The following ZNF385D variants were observed in gnomAD, a reference collection of about 807,000 sequenced individuals.
ZNF385D encodes zinc finger protein 659.
ZNF385D carries 15 observed loss-of-function variants against 35.8 expected under a neutral mutation model. That is an observed-to-expected ratio of 0.42 (90% CI 0.28 to 0.64). The LOEUF (loss-of-function observed/expected upper bound fraction) is 0.64. ZNF385D is among the 30% of genes least tolerant of loss of function. The probability of loss-of-function intolerance (pLI) is 0.23; values close to 1 mark genes in which losing one functional copy is unlikely to be tolerated. For missense variants in ZNF385D, 474 were observed against 494.6 expected (o/e 0.96, Z 0.39); for synonymous variants, 212 against 186.8 (o/e 1.13, Z -1.10).
chr3:22,102,551 A>G (rs1465988156), intron 3 of ZNF385D, among the ~76,000 whole-genome samples: 2 of 152,014 alleles, frequency 1.3e-5, no homozygotes, highest in African/African-American at 4.8e-5. Context: ...AGTTCTGAGA[A>G]TCCCCCAGGA....
chr3:21,816,418 T>C (rs959965435), intron 3 of ZNF385D, among the ~76,000 whole-genome samples: 1 of 152,206 alleles, frequency 6.6e-6, no homozygotes, highest in Non-Finnish European at 1.5e-5. Context: ...CATGATTGTA[T>C]ATCTAGAAAA....
At chr3:21,756,388 A>C (rs2070342935) in intron 3 of ZNF385D, among the ~76,000 whole-genome samples, 1 of 152,148 alleles carries the variant, frequency 6.6e-6, no homozygotes, top group Non-Finnish European at 1.5e-5. Flanking sequence ...AAACTTTGAG[A>C]GAACTTGCTT....
At chr3:22,047,833 A>C (rs1699097029) in intron 3 of ZNF385D, among the ~76,000 whole-genome samples, 1 of 152,156 alleles carries the variant, frequency 6.6e-6, no homozygotes, top group Admixed American at 6.5e-5. Flanking sequence ...ACTGTTTTCC[A>C]TAATGGCTGT....
chr3:21,609,019 C>G (rs1327166320), intron 2 of ZNF385D, among the ~76,000 whole-genome samples: 1 of 152,164 alleles, frequency 6.6e-6, no homozygotes, highest in East Asian at 1.9e-4. Context: ...ATTGTGCTGT[C>G]CTTCATAAAT....
At chr3:21,884,909 A>C (rs201992284) in intron 3 of ZNF385D, among the ~76,000 whole-genome samples, 2 of 99,386 alleles carry the variant, frequency 2.0e-5, no homozygotes, top group South Asian at 8.7e-4. Context: ...ATTTATCTGC[A>C]CTTTTTTTTG....
Position 21,834,051 on chromosome 3 carries a change from T to G in ZNF385D, c.326-169023A>C, listed in dbSNP as rs1265851086. 2.0e-5 allele frequency among the ~76,000 whole-genome samples: 3 copies of G among 152,098 alleles called. No homozygotes were observed. The East Asian group carries it at 5.8e-4, about 29-fold the overall frequency. Reference sequence around the variant, plus strand: ...ATACACGTAAAATATTTTATATATGTGACCTTTGATAGTTAAACAAAAAAA... The same window carrying G: ...ATACACGTAAAATATTTTATATATGGGACCTTTGATAGTTAAACAAAAAAA... On this transcript the variant is annotated intron_variant, in intron 3 of 5. Coordinates refer to the ZNF385D transcript ENST00000494108.
intron 2 of ZNF385D, among the ~76,000 whole-genome samples, chr3:22,302,172 T>C (rs1702937016): frequency 6.6e-6 from 1 of 152,106 alleles, no homozygotes; most frequent in African/African-American, 2.4e-5. Flanking sequence ...TTTTCAATCT[T>C]AGTATCCTCT....
intron 1 of ZNF385D, among the ~76,000 whole-genome samples, chr3:21,720,775 T>C (rs925127342): frequency 6.6e-6 from 1 of 152,198 alleles, no homozygotes; most frequent in Admixed American, 6.5e-5. Context: ...TAACAATATG[T>C]TTGCCCCATG....
intron 3 of ZNF385D, among the ~76,000 whole-genome samples, chr3:22,107,017 G>A (rs938104062): frequency 1.9e-5 from 2 of 104,232 alleles, no homozygotes; most frequent in Non-Finnish European, 4.4e-5. Flanking sequence ...CAAAAACTTT[G>A]GAATGAGAGT....
At chr3:21,851,799 C>T (rs912663845) in intron 3 of ZNF385D, among the ~76,000 whole-genome samples, 1 of 151,902 alleles carries the variant, frequency 6.6e-6, no homozygotes, top group Admixed American at 6.6e-5. Flanking sequence ...TCATTTTATC[C>T]TTCTACTTCT....
chr3:21,605,121 G>GTGAAT (rs1261680853), intron 2 of ZNF385D, among the ~76,000 whole-genome samples: 1 of 152,124 alleles, frequency 6.6e-6, no homozygotes, highest in Non-Finnish European at 1.5e-5. Context: ...TGGAGGATGA[G>GTGAAT]TATTCATCGG....
intron 1 of ZNF385D, among the ~76,000 whole-genome samples, chr3:21,734,462 T>A (rs1297743538): frequency 1.3e-5 from 2 of 152,060 alleles, no homozygotes; most frequent in African/African-American, 4.8e-5. Flanking sequence ...TATATGCTCT[T>A]ATATAAGATA....
At chr3:21,975,897 G>A (rs1050611321) in intron 3 of ZNF385D, among the ~76,000 whole-genome samples, 1 of 151,962 alleles carries the variant, frequency 6.6e-6, no homozygotes, top group African/African-American at 2.4e-5. Context: ...AGGACAAGAT[G>A]CAAACGAGCC....
intron 2 of ZNF385D, among the ~76,000 whole-genome samples, chr3:21,662,108 G>A (rs62237412): frequency 0.097 from 14,738 of 152,124 alleles, 968 homozygotes; most frequent in East Asian, 0.16. Flanking sequence ...AAGGTCATAT[G>A]GGTAAAAGTT....
chr3:21,642,243 T>G lies in ZNF385D; in HGVS notation c.165+22643A>C, dbSNP rs75201810. Among the ~76,000 whole-genome samples the G allele has an allele frequency of 2.2e-3, 341 of 152,258 alleles. 4 individuals are homozygous for G. The East Asian group carries it at 0.027, about 12-fold the overall frequency. On this transcript the variant is annotated intron_variant, in intron 2 of 7. Transcript: ENST00000281523. ...CATCCAAAAAACGCTTTGCATTCCA[T>G]CGCAGAACTGGCAACCCATTTCTCC...
intron 1 of ZNF385D, among the ~76,000 whole-genome samples, chr3:21,682,688 A>G (rs2066955651): frequency 6.7e-6 from 1 of 150,134 alleles, no homozygotes; most frequent in Non-Finnish European, 1.5e-5. Flanking sequence ...ATGAAACCTT[A>G]GCAATCAAGT....
chr3:21,741,715 A>G (rs1489302197), intron 1 of ZNF385D, among the ~76,000 whole-genome samples: 1 of 152,122 alleles, frequency 6.6e-6, no homozygotes, highest in Admixed American at 6.5e-5. Flanking sequence ...ATAGATAAAA[A>G]TCAATACCGA....
intron 3 of ZNF385D, among the ~76,000 whole-genome samples, chr3:22,126,246 T>C (rs1703419445): frequency 6.6e-6 from 1 of 151,554 alleles, no homozygotes; most frequent in Non-Finnish European, 1.5e-5. Context: ...CCATCCTTGA[T>C]CCATGCAATA....
At chr3:21,722,107 A>C (rs976699858) in intron 1 of ZNF385D, among the ~76,000 whole-genome samples, 1 of 151,818 alleles carries the variant, frequency 6.6e-6, no homozygotes, top group African/African-American at 2.4e-5. Context: ...CTCAAAAAAA[A>C]AAAAAAAAAA....
Sources: allele counts gnomAD v4.1 joint callset (sites outside exome capture counted in the v4.1 genomes callset), GRCh38; gene constraint gnomAD v4.1.1; transcripts MANE v1.5; gene names NCBI Gene and HGNC (gene_info 2026-07-23, HGNC 2026-07-21).